SELENOW: variants seen among roughly 807,000 people sequenced by gnomAD.
SELENOW encodes selenoprotein W, 1.
SELENOW carries 20 observed loss-of-function variants against 16.6 expected under a neutral mutation model. That is an observed-to-expected ratio of 1.21 (90% CI 0.85 to 1.76). The LOEUF is 1.76. Among genes scored for constraint, SELENOW ranks in the 40% most tolerant of loss-of-function variants. The pLI is 0.00. For synonymous variants in SELENOW, 44 were observed against 46.2 expected (o/e 0.95, Z 0.19); for missense variants, 124 against 111.0 (o/e 1.12, Z -0.53).
At chr19:47,778,941 T>C in intron 1 of SELENOW, 127 bp downstream of exon 1, 1 of 933,752 alleles carries the variant, frequency 1.1e-6, no homozygotes. Flanking sequence ...AGCCCCTGTA[T>C]GTGGGTGGGG....
At position 47,779,933 on chromosome 19, in the gene SELENOW, CTG is replaced by C. The variant is rs1967453022; in HGVS notation, c.30-791_30-790del. On this transcript the variant is annotated intron_variant, in intron 1 of 5. Transcript: ENST00000601048. ...TCTGGACTGCAGGTGACAGGGGTAA[CTG>C]GAACCTGGGTTTGTCGGCAGCTTTC... 4 of 278,544 alleles carry C rather than the reference CTG, an allele frequency of 1.4e-5. No homozygotes were observed. In the Admixed American group the frequency reaches 1.6e-4, roughly 11 times the overall value. The allele number at this position is 278,544 out of a possible 1,614,324, so 17.3% of individuals were successfully genotyped here.
intron 1 of SELENOW, chr19:47,779,294 A>C (rs760687527): frequency 6.4e-6 from 1 of 156,340 alleles, no homozygotes; most frequent in African/African-American, 2.4e-5. Context: ...CACGAACCCC[A>C]CTCCTTTTCT....
At chr19:47,778,960 CG>C in intron 1 of SELENOW, 146 bp downstream of exon 1, 2 of 720,864 alleles carry the variant, frequency 2.8e-6, no homozygotes, top group South Asian at 2.0e-5. Flanking sequence ...GGTGGGCGTA[CG>C]GAGGGGCGAA....
intron 5 of SELENOW, chr19:47,782,925 T>A (rs1242736138): frequency 6.6e-6 from 1 of 152,268 alleles, no homozygotes; most frequent in African/African-American, 2.4e-5. Flanking sequence ...TTCCAGCACC[T>A]TCTGAGTCTG....
chr19:47,778,939 T>G, intron 1 of SELENOW, 125 bp downstream of exon 1: 1 of 943,880 alleles, frequency 1.1e-6, no homozygotes, highest in Non-Finnish European at 1.5e-6. Context: ...GGAGCCCCTG[T>G]ATGTGGGTGG....
intron 1 of SELENOW, 75 bp downstream of exon 1, chr19:47,778,889 C>A (rs2123695727): frequency 1.4e-6 from 2 of 1,475,384 alleles, no homozygotes; most frequent in Middle Eastern, 1.8e-4. Context: ...GTCAGGGAGC[C>A]CCGGGGAGAG....
intron 1 of SELENOW, chr19:47,780,490 C>A (rs796835531): frequency 5.2e-6 from 3 of 575,946 alleles, no homozygotes; most frequent in Non-Finnish European, 6.2e-6. Context: ...CTGTGTGTCT[C>A]TGTGTGTCCC....
rs368032623 is a variant in SELENOW, at chr19:47,778,747, C to T, written c.-39C>T. 1.0e-5 allele frequency: 16 copies of T among 1,589,378 alleles called. No individual in the cohort carries two copies. In the African/African-American group the frequency reaches 1.2e-4, roughly 12 times the overall value. On this transcript the variant is annotated 5_prime_UTR_variant, in exon 1 of 6. Coordinates refer to ENST00000601048, the MANE Select transcript of SELENOW (RefSeq NM_003009.4). ...GTCCAGGTGGGAGGTTAGTGTGGCC[C>T]GGGCGTCCGCTCCTCAGCGGATGTG...
Position 47,784,393 on chromosome 19 carries a change from G to A in SELENOW, c.*122G>A, listed in dbSNP as rs1413744707. The A allele has an allele frequency of 6.6e-6, 1 of 152,664 alleles. No individual in the cohort carries two copies. Among genetic ancestry groups the A allele is most frequent in the Non-Finnish European group, 1.5e-5 (1 of 68,090 alleles). 9.5% of individuals were successfully genotyped at this position (152,664 alleles called of 1,614,324 possible). A position where few individuals can be genotyped will look rare whatever the true frequency, so the allele number is the denominator to read the frequency against. On this transcript the variant is annotated 3_prime_UTR_variant, in exon 6 of 6. Coordinates refer to ENST00000601048, the MANE Select transcript of SELENOW (RefSeq NM_003009.4). ...TTTCCCTGATGTTCTCGTGGCTGCT[G>A]TTGGGGGCAGAGATTGACGCCCCCG...
intron 3 of SELENOW, 26 bp from the exon 4 acceptor site, chr19:47,781,082 A>G (rs1162221252): frequency 6.2e-7 from 1 of 1,608,610 alleles, no homozygotes; most frequent in African/African-American, 1.3e-5. Flanking sequence ...AGCCCCTCCA[A>G]CATCTCCCCT....
In SELENOW at chr19:47,784,307, A is replaced by T. The variant is rs560969645; in HGVS notation, c.*36A>T. 4.6e-5 allele frequency: 7 copies of T among 152,752 alleles called. No individual in the cohort carries two copies. Among genetic ancestry groups the T allele is most frequent in the African/African-American group, 1.4e-4 (6 of 41,550 alleles). The allele number at this position is 152,752 out of a possible 1,614,324, so 9.5% of individuals were successfully genotyped here. A position where few individuals can be genotyped will look rare whatever the true frequency, so the allele number is the denominator to read the frequency against. ...CTCCACAGTCCAGGGACCTTGACCC[A>T]GCCCCTCTCAGCAGACGCTTCATGA... On this transcript the variant is annotated 3_prime_UTR_variant, in exon 6 of 6. Coordinates refer to ENST00000601048, the MANE Select transcript of SELENOW (RefSeq NM_003009.4).
In SELENOW at chr19:47,778,975, CAG is replaced by C. The variant is rs141596916; in HGVS notation, c.29+164_29+165del. On this transcript the variant is annotated intron_variant, in intron 1 of 5. Coordinates refer to ENST00000601048, the MANE Select transcript of SELENOW (RefSeq NM_003009.4). ...GGTGGGCGTACGGAGGGGCGAAAAACAGAGGGCGGTCGTCCCTAGGCCCCGTC... is the reference window on the plus strand; with the variant it reads ...GGTGGGCGTACGGAGGGGCGAAAAACAGGGCGGTCGTCCCTAGGCCCCGTC... The C allele has an allele frequency of 3.4e-3, 2,221 of 647,568 alleles. 45 individuals are homozygous for C. The African/African-American group carries it at 0.038, about 11-fold the overall frequency. The allele number at this position is 647,568 out of a possible 1,614,324, so 40.1% of individuals were successfully genotyped here. A position where few individuals can be genotyped will look rare whatever the true frequency, so the allele number is the denominator to read the frequency against.
chr19:47,781,408 A>G lies in SELENOW; in HGVS notation c.*18+20A>G, dbSNP rs756313881. On this transcript the variant is annotated intron_variant, in intron 5 of 5. Coordinates refer to ENST00000601048, the MANE Select transcript of SELENOW (RefSeq NM_003009.4). ...GCAGAGGTGAGGGGGCCCACTAGAC[A>G]GGGACACCACCCTTTGGATCTTCTC... 50 of 1,305,186 alleles carry G rather than the reference A, an allele frequency of 3.8e-5. No homozygotes were observed. The highest frequency in any genetic ancestry group is 5.1e-5 in the Non-Finnish European group (47 of 920,376). The allele number at this position is 1,305,186 out of a possible 1,614,324, so 80.9% of individuals were successfully genotyped here. A position where few individuals can be genotyped will look rare whatever the true frequency, so the allele number is the denominator to read the frequency against.
At chr19:47,778,860 C>CCCGATTCTCGGAGCCGGGGT in intron 1 of SELENOW, 46 bp downstream of exon 1, 1 of 1,574,832 alleles carries the variant, frequency 6.3e-7, no homozygotes, top group Non-Finnish European at 8.6e-7. Context: ...CCCGCCGGGA[C>CCCGATTCTCGGAGCCGGGGT]CCGATTCTCG....
intron 1 of SELENOW, chr19:47,780,028 C>A: frequency 2.4e-6 from 1 of 408,964 alleles, no homozygotes; most frequent in Non-Finnish European, 5.0e-6. Context: ...CAGGCCTGTA[C>A]ACCAGATTCC....
rs1967465884 is a variant in SELENOW at position 47,780,863 on chromosome 19, G to T, written c.55-1G>T. ...GCTGTGACCTCTCACCGCGTTTTCA[G>T]TATCTTCAGCTCAAGAAGAAGTTAG... On this transcript the variant is annotated splice_acceptor_variant, in intron 2 of 5. Coordinates refer to ENST00000601048, the MANE Select transcript of SELENOW (RefSeq NM_003009.4). LOFTEE classifies it high-confidence loss of function. 1.9e-6 allele frequency: 3 copies of T among 1,612,816 alleles called. No homozygotes were observed. In the Admixed American group the frequency reaches 5.0e-5, roughly 27 times the overall value.
rs368171578 is a variant in SELENOW, at chr19:47,781,188, T to G, written c.183+6T>G. The G allele has an allele frequency of 1.8e-4, 286 of 1,613,344 alleles. 1 individual carries two copies. Among genetic ancestry groups the G allele is most frequent in the Middle Eastern group, 1.6e-4 (1 of 6,082 alleles). On this transcript the variant is annotated splice_donor_region_variant and intron_variant, in intron 4 of 5. Coordinates refer to ENST00000601048, the MANE Select transcript of SELENOW (RefSeq NM_003009.4). ...AGTTGATTCACTCTAAGAAGGTATG[T>G]CTGTCTGTCCGTCCTGCCTGGTTTT...
chr19:47,780,470 T>G, intron 1 of SELENOW: 1 of 545,852 alleles, frequency 1.8e-6, no homozygotes, highest in Non-Finnish European at 3.3e-6. Flanking sequence ...TCTTGCTTGG[T>G]GTTGGTTTTC....
rs1967434963 is a variant in SELENOW at position 47,778,725 on chromosome 19, C to G, written c.-61C>G. ...CGCACTCGCGCAGACCTAGCGCGTC[C>G]AGGTGGGAGGTTAGTGTGGCCCGGG... On this transcript the variant is annotated 5_prime_UTR_variant, in exon 1 of 6. Coordinates refer to ENST00000601048, the MANE Select transcript of SELENOW (RefSeq NM_003009.4). 5 of 1,559,914 alleles carry G rather than the reference C, an allele frequency of 3.2e-6. No individual in the cohort carries two copies. The highest frequency in any genetic ancestry group is 4.3e-6 in the Non-Finnish European group (5 of 1,150,400).
Sources: gnomAD v4.1 joint callset for allele counts on GRCh38, gnomAD v4.1.1 for gene constraint, MANE v1.5 for transcripts, NCBI Gene and HGNC (gene_info 2026-07-23, HGNC 2026-07-21) for gene names.